RNF213: variants seen among roughly 807,000 people sequenced by gnomAD.
RNF213 encodes E3 ubiquitin-protein ligase RNF213.
Under a neutral mutation model 514.4 loss-of-function variants are expected in RNF213, and 341 were observed. That is an observed-to-expected ratio of 0.66 (90% CI 0.61 to 0.73). The LOEUF (loss-of-function observed/expected upper bound fraction) is 0.73, where lower values mean the gene tolerates loss of function less well. Ranked by LOEUF, RNF213 falls within the 30% of genes least tolerant of loss-of-function variation. The probability of loss-of-function intolerance (pLI) is 0.00; values close to 1 mark genes in which losing one functional copy is unlikely to be tolerated. For missense variants in RNF213, 5,767 were observed against 6,615.6 expected (o/e 0.87, Z 4.45); for synonymous variants, 2,655 against 2,658.2 (o/e 1.00, Z 0.04).
chr17:80,271,224 G>T (rs1236199351), intron 2 of RNF213, among the ~76,000 whole-genome samples: 1 of 152,132 alleles, frequency 6.6e-6, no homozygotes, highest in African/African-American at 2.4e-5. Flanking sequence ...TCTTTCTCCA[G>T]CTCTTACTTT....
At chr17:80,275,979 T>A (rs2044038869) in intron 3 of RNF213, among the ~76,000 whole-genome samples, 1 of 151,530 alleles carries the variant, frequency 6.6e-6, no homozygotes, top group Non-Finnish European at 1.5e-5. Context: ...TTTTTTCTTT[T>A]TTCTTTTCCA....
chr17:80,282,735 C>G (rs912162839), intron 3 of RNF213, among the ~76,000 whole-genome samples: 5 of 152,016 alleles, frequency 3.3e-5, no homozygotes, highest in Non-Finnish European at 7.4e-5. Flanking sequence ...GTTGCTCTGT[C>G]TCCCAGGCTG....
At chr17:80,286,089 C>T (rs1187880034) in intron 3 of RNF213, among the ~76,000 whole-genome samples, 2 of 152,248 alleles carry the variant, frequency 1.3e-5, no homozygotes, top group Admixed American at 6.5e-5. Context: ...TGAGTCTCCT[C>T]TGTCCACACC....
Position 80,346,108 on chromosome 17 carries a change from G to C in RNF213, c.7773G>C (p.Lys2591Asn). Residue 2591 changes from lysine to asparagine, a missense_variant, in exon 29 of 68, where the codon AAG becomes AAC. Around this residue, in one of 13 missense-constraint regions of RNF213, gnomAD observed 1,377 missense variants for 1,635.2 expected, o/e 0.84. Coordinates refer to ENST00000582970, the MANE Select transcript of RNF213 (RefSeq NM_001256071.3). The surrounding 1 kb of genome is among the most constrained non-coding windows in gnomAD (Gnocchi z 8.1). ...GACAACTGAGTGACGTTGCTGAAAA[G>C]CTCTACATCCAGCAGATTGTCCAGA... ...DFGQLSDVAE[K>N]LYIQQIVQRL... The C allele has an allele frequency of 6.2e-7, 1 of 1,614,144 alleles. No homozygotes were observed. Among genetic ancestry groups the C allele is most frequent in the Non-Finnish European group, 8.5e-7 (1 of 1,180,026 alleles).
At chr17:80,301,478 A>G (rs1433664709) in intron 11 of RNF213, among the ~76,000 whole-genome samples, 2 of 152,208 alleles carry the variant, frequency 1.3e-5, no homozygotes, top group African/African-American at 4.8e-5. Flanking sequence ...AGATCTAAAA[A>G]TGGACAAATG....
chr17:80,342,998 G>A (rs2078204923), intron 26 of RNF213, 134 bp from the exon 27 acceptor site: 1 of 719,746 alleles, frequency 1.4e-6, no homozygotes, highest in Admixed American at 2.2e-5. Context: ...AGTAGGGACG[G>A]GATTTCACCA....
rs565084167 is a variant in RNF213, at chr17:80,345,337, T to C, written c.7002T>C (p.Ser2334=). The change falls in exon 29 of 68, where the codon AGT becomes AGC. Residue 2334 remains serine, a synonymous_variant. Coordinates refer to ENST00000582970, the MANE Select transcript of RNF213 (RefSeq NM_001256071.3). This position sits in a 1 kb window ranked among gnomAD's most constrained non-coding sequence, Gnocchi z 6.0. ...PNINGSVDAI[S]HLTGKVIKRD... is the part of the protein sequence containing the mutation. ...TCAACGGCAGTGTCGATGCCATCAG[T>C]CACTTGACTGGGAAGGTCATCAAGA... 11 of 1,613,996 alleles carry C rather than the reference T, an allele frequency of 6.8e-6. No homozygotes were observed. In the East Asian group the frequency reaches 2.5e-4, roughly 36 times the overall value.
At chr17:80,382,743 G>A in intron 57 of RNF213, 1 of 428,016 alleles carries the variant, frequency 2.3e-6, no homozygotes, top group Non-Finnish European at 4.4e-6. Flanking sequence ...TTCAAAATGG[G>A]TCTAAGATTA....
chr17:80,303,557 CTTTTCTTTTCT>C (rs1291492355), intron 11 of RNF213, among the ~76,000 whole-genome samples: 2,459 of 148,110 alleles, frequency 0.017, 51 homozygotes, highest in African/African-American at 0.058. Flanking sequence ...TTTCTTTTTT[CTTTTCTTTTCT>C]TTTTTTTTTT....
At position 80,351,791 on chromosome 17, in the gene RNF213, G is replaced by T. The variant is rs1356923370; in HGVS notation, c.10291G>T (p.Gly3431Cys). ...SRVGRGTAYV[G>C]FHGGLWQSVH... is the part of the protein sequence containing the mutation. ...GGTGGGAAGAGGAACAGCCTATGTG[G>T]GCTTCCACGGAGGTGAGATCAGAAC... is the stretch of plus-strand genomic sequence containing the variant. The change falls in exon 32 of 68, where the codon GGC (glycine) becomes TGC (cysteine). Residue 3431 changes from glycine to cysteine, a missense_variant. Gly to Cys is a radical substitution (Grantham distance 159). Transcript: ENST00000582970. 1 of 1,567,296 alleles carries T rather than the reference G, an allele frequency of 6.4e-7. No individual in the cohort carries two copies. The highest frequency in any genetic ancestry group is 8.8e-7 in the Non-Finnish European group (1 of 1,137,478).
chr17:80,376,635 G>A, intron 52 of RNF213, 92 bp downstream of exon 52: 1 of 1,561,940 alleles, frequency 6.4e-7, no homozygotes, highest in Non-Finnish European at 8.7e-7. Context: ...GGGAACTCTT[G>A]AGCATCTTTA....
chr17:80,374,880 CCTTT>C (rs1389566848), intron 50 of RNF213: 2 of 420,314 alleles, frequency 4.8e-6, no homozygotes, highest in Non-Finnish European at 9.0e-6. Flanking sequence ...CCCATTACTT[CCTTT>C]GAGACCCTGC....
At chr17:80,356,266 T>A (rs529899581) in intron 36 of RNF213, among the ~76,000 whole-genome samples, 26 of 152,352 alleles carry the variant, frequency 1.7e-4, no homozygotes, top group African/African-American at 5.8e-4. Context: ...CCTCCCGAAG[T>A]GCTGGGATTC....
chr17:80,290,338 C>T (rs2044650536), intron 6 of RNF213, among the ~76,000 whole-genome samples: 3 of 150,702 alleles, frequency 2.0e-5, no homozygotes, highest in African/African-American at 2.4e-5. Flanking sequence ...TGTGTGCGCA[C>T]GTGTGTGCGT....
At chr17:80,262,845 T>G (rs1008920043) in intron 1 of RNF213, among the ~76,000 whole-genome samples, 3 of 152,134 alleles carry the variant, frequency 2.0e-5, no homozygotes. Flanking sequence ...GGAGGGGGCC[T>G]GAGTGTCCTC....
chr17:80,290,012 G>T (rs1173220175), intron 6 of RNF213, among the ~76,000 whole-genome samples, 175 bp downstream of exon 6: 1 of 152,182 alleles, frequency 6.6e-6, no homozygotes, highest in Admixed American at 6.6e-5. Flanking sequence ...GGGCACCTGT[G>T]CCAGTTTCTT....
At chr17:80,331,292 T>A (rs186463204) in intron 20 of RNF213, among the ~76,000 whole-genome samples, 9 of 152,308 alleles carry the variant, frequency 5.9e-5, no homozygotes, top group Non-Finnish European at 1.3e-4. Flanking sequence ...CCAGGCCTCA[T>A]GTGTCATTTA....
chr17:80,364,419 C>T lies in RNF213; in HGVS notation c.11751-14C>T. The stretch of plus-strand genomic sequence containing the variant: ...GAGCCGAGTGAGTGAGTGAGTGGCG[C>T]CCTCTTTTGACAGAGCCCAGTGGAG... On this transcript the variant is annotated splice_polypyrimidine_tract_variant and intron_variant, in intron 41 of 67. Coordinates refer to ENST00000582970, the MANE Select transcript of RNF213 (RefSeq NM_001256071.3). 6.2e-7 allele frequency: 1 copy of T among 1,614,060 alleles called. No homozygotes were observed. The highest frequency in any genetic ancestry group is 8.5e-7 in the Non-Finnish European group (1 of 1,180,016).
chr17:80,277,441 T>C (rs2044106078), intron 3 of RNF213, among the ~76,000 whole-genome samples: 1 of 151,484 alleles, frequency 6.6e-6, no homozygotes, highest in Admixed American at 6.6e-5. Flanking sequence ...CTACTAAAAA[T>C]ACAAAAAGTA....
Sources: allele counts gnomAD v4.1 joint callset (sites outside exome capture counted in the v4.1 genomes callset), GRCh38; gene constraint gnomAD v4.1.1; regional missense constraint gnomAD v4.1.1; non-coding constraint Gnocchi (gnomAD v3.1); transcripts MANE v1.5; gene names NCBI Gene and HGNC (gene_info 2026-07-23, HGNC 2026-07-21).